The following MYL12A variants were observed in gnomAD, a reference collection of about 807,000 sequenced individuals.
MYL12A encodes myosin light chain 12A, also known as myosin regulatory light chain 12A.
MYL12A carries 11 observed loss-of-function variants against 13.3 expected under a neutral mutation model. The observed-to-expected ratio is 0.83, with a 90% CI of 0.52 to 1.37. The LOEUF (loss-of-function observed/expected upper bound fraction) is 1.37. MYL12A is among the 40% of genes most tolerant of loss of function. MYL12A has a pLI of 0.00. For missense variants in MYL12A, 146 were observed against 212.3 expected (o/e 0.69, Z 1.94); for synonymous variants, 51 against 69.9 (o/e 0.73, Z 1.35).
chr18:3,253,150 C>A, intron 1 of MYL12A, 83 bp from the exon 2 acceptor site: 1 of 1,449,596 alleles, frequency 6.9e-7, no homozygotes, highest in Non-Finnish European at 9.4e-7. Flanking sequence ...GTTCTGTGTA[C>A]TTTTGTTAAT....
At chr18:3,250,772 A>T (rs370524567) in intron 1 of MYL12A, among the ~76,000 whole-genome samples, 1 of 152,140 alleles carries the variant, frequency 6.6e-6, no homozygotes, top group Admixed American at 6.5e-5. Flanking sequence ...CTCCTCCCCA[A>T]TCCCTTAATT....
chr18:3,249,155 T>C (rs1202122259), intron 1 of MYL12A, among the ~76,000 whole-genome samples: 2 of 152,216 alleles, frequency 1.3e-5, no homozygotes, highest in African/African-American at 4.8e-5. Context: ...AATGCTGGAC[T>C]CTAGGATTCT....
At chr18:3,252,861 C>A (rs375788135) in intron 1 of MYL12A, among the ~76,000 whole-genome samples, 1 of 152,164 alleles carries the variant, frequency 6.6e-6, no homozygotes, top group Non-Finnish European at 1.5e-5. Flanking sequence ...TTCTGTCCAC[C>A]GTACTATGGA....
chr18:3,253,628 G>T (rs2081509244), intron 2 of MYL12A, 200 bp downstream of exon 2: 1 of 721,700 alleles, frequency 1.4e-6, no homozygotes, highest in East Asian at 2.7e-5. Flanking sequence ...TCGTGTGTGT[G>T]TGTGTGTGTA....
intron 1 of MYL12A, chr18:3,252,303 C>A: frequency 6.5e-7 from 1 of 1,532,570 alleles, no homozygotes; most frequent in South Asian, 1.2e-5. Flanking sequence ...AGACTACCAT[C>A]TTCCCTGCAA....
intron 1 of MYL12A, among the ~76,000 whole-genome samples, chr18:3,250,401 A>T (rs930810153): frequency 6.6e-6 from 1 of 152,180 alleles, no homozygotes; most frequent in African/African-American, 2.4e-5. Flanking sequence ...ATCAGAAATG[A>T]TCTGCTCCTT....
In MYL12A at chr18:3,256,087, A is replaced by C. The variant is rs1012656747; in HGVS notation, c.*169A>C. ...CAGACTGGAAACGGGACTTTCTATTAATATCATTTTCAGAATAAAAAATAG... is the reference window on the plus strand; with the variant it reads ...CAGACTGGAAACGGGACTTTCTATTCATATCATTTTCAGAATAAAAAATAG... On this transcript the variant is annotated 3_prime_UTR_variant, in exon 4 of 4. Coordinates refer to ENST00000217652, the MANE Select transcript of MYL12A (RefSeq NM_006471.4). 34 of 813,818 alleles carry C rather than the reference A, an allele frequency of 4.2e-5. No individual in the cohort carries two copies. Among genetic ancestry groups the C allele is most frequent in the Non-Finnish European group, 6.5e-5 (34 of 525,976 alleles). 50.4% of individuals were successfully genotyped at this position (813,818 alleles called of 1,614,324 possible).
At chr18:3,248,750 T>G (rs1356537142) in intron 1 of MYL12A, 1 of 152,232 alleles carries the variant, frequency 6.6e-6, no homozygotes, top group Admixed American at 6.5e-5. Flanking sequence ...TCACAGCTAA[T>G]TGTCTTTGTC....
At chr18:3,250,029 T>G (rs1230271213) in intron 1 of MYL12A, 2 of 150,518 alleles carry the variant, frequency 1.3e-5, no homozygotes, top group Non-Finnish European at 2.9e-5. Context: ...TGACATGAAA[T>G]CTTTTCAATT....
At chr18:3,252,684 TTACTA>T (rs1025834412) in intron 1 of MYL12A, among the ~76,000 whole-genome samples, 2 of 152,206 alleles carry the variant, frequency 1.3e-5, no homozygotes, top group Non-Finnish European at 2.9e-5. Flanking sequence ...TTTTTATACT[TTACTA>T]TTAGCCTTTC....
intron 1 of MYL12A, among the ~76,000 whole-genome samples, chr18:3,251,130 C>T (rs1259348738): frequency 1.4e-5 from 2 of 146,204 alleles, no homozygotes; most frequent in African/African-American, 5.1e-5. Flanking sequence ...AGGCCATTGT[C>T]AGTGCTGACC....
At chr18:3,247,555 AG>A (rs977554141), upstream of MYL12A, 1 of 152,736 alleles carries the variant, frequency 6.5e-6, no homozygotes. Context: ...CGGAAAGGAT[AG>A]GGGGGAGGAA....
intron 1 of MYL12A, among the ~76,000 whole-genome samples, chr18:3,251,987 C>T (rs899259297): frequency 2.6e-5 from 4 of 152,084 alleles, no homozygotes; most frequent in African/African-American, 9.7e-5. Flanking sequence ...TGTATTTAGT[C>T]TGGACGATAT....
At chr18:3,248,410 G>C (rs1411400459) in intron 1 of MYL12A, 1 of 152,152 alleles carries the variant, frequency 6.6e-6, no homozygotes, top group Non-Finnish European at 1.5e-5. Context: ...GAGAGATCTG[G>C]AGTTTAGTTT....
rs112587677 is a variant in MYL12A at position 3,253,588 on chromosome 18, C to T, written c.181+160C>T. 2.2e-3 allele frequency: 2,053 copies of T among 922,194 alleles called. 8 individuals carry two copies. The highest frequency in any genetic ancestry group is 8.3e-3 in the African/African-American group (495 of 59,494). The allele number at this position is 922,194 out of a possible 1,614,324, so 57.1% of individuals were successfully genotyped here. On this transcript the variant is annotated intron_variant, in intron 2 of 3. Coordinates refer to ENST00000217652, the MANE Select transcript of MYL12A (RefSeq NM_006471.4). ...TTTCCCACCGGATCACCAGCAGATT[C>T]GTGACCCTGTCTTAGGATTGGGTTG...
Position 3,255,920 on chromosome 18 carries a change from A to G in MYL12A, c.*2A>G. 1.9e-6 allele frequency: 3 copies of G among 1,613,308 alleles called. No homozygotes were observed. The highest frequency in any genetic ancestry group is 2.5e-6 in the Non-Finnish European group (3 of 1,179,692). On this transcript the variant is annotated 3_prime_UTR_variant, in exon 4 of 4. Transcript: ENST00000217652. ...GGAGCCAAAGACAAAGATGACTGAA[A>G]TAACTTCAAATTCCAGCCAAACGTT...
intron 1 of MYL12A, chr18:3,248,319 A>G (rs1263765232): frequency 3.3e-5 from 5 of 152,302 alleles, no homozygotes; most frequent in Admixed American, 2.6e-4. Context: ...GGAATAACCA[A>G]CTCAAATTGG....
At chr18:3,249,011 G>C (rs2081458017) in intron 1 of MYL12A, among the ~76,000 whole-genome samples, 1 of 152,136 alleles carries the variant, frequency 6.6e-6, no homozygotes, top group Non-Finnish European at 1.5e-5. Context: ...TGCTATCACA[G>C]TACGCAGTGT....
intron 1 of MYL12A, 190 bp downstream of exon 1, chr18:3,248,099 A>G (rs1421630200): frequency 6.6e-6 from 1 of 152,240 alleles, no homozygotes; most frequent in Non-Finnish European, 1.5e-5. Context: ...CCTGTGCCCA[A>G]ACTTGGAACT....
Sources: allele counts gnomAD v4.1 joint callset (sites outside exome capture counted in the v4.1 genomes callset), GRCh38; gene constraint gnomAD v4.1.1; transcripts MANE v1.5; gene names NCBI Gene and HGNC (gene_info 2026-07-23, HGNC 2026-07-21).